ABCB9: variants seen among roughly 807,000 people sequenced by gnomAD.
ABCB9 encodes the protein ATP binding cassette subfamily B member 9, also known as ABC-type oligopeptide transporter ABCB9.
In ABCB9, 36 loss-of-function variants were observed where a neutral mutation model predicts 62.0. The ratio of observed to expected loss-of-function variants is 0.58; its 90% CI spans 0.45 to 0.77. The LOEUF is 0.77. Ranked by LOEUF, ABCB9 falls within the 30% of genes least tolerant of loss-of-function variation. The pLI, the probability that ABCB9 is intolerant of heterozygous loss-of-function variation, is 0.00. For missense variants in ABCB9, 943 were observed against 1,054.7 expected, an observed-to-expected ratio of 0.89 and a Z score of 1.47; for synonymous variants, 435 against 461.4, an observed-to-expected ratio of 0.94 and a Z score of 0.73.
chr12:122,923,435 C>T (rs1318932994), intron 11 of ABCB9, among the ~76,000 whole-genome samples: 11 of 152,252 alleles, frequency 7.2e-5, no homozygotes, highest in Non-Finnish European at 1.3e-4. Context: ...TACAGGCACC[C>T]GCCACCACGC....
At chr12:122,945,075 T>C (rs1459372044) in intron 6 of ABCB9, among the ~76,000 whole-genome samples, 1 of 152,176 alleles carries the variant, frequency 6.6e-6, no homozygotes, top group Non-Finnish European at 1.5e-5. Flanking sequence ...ACTAGGCTGC[T>C]GTCTGGACCA....
Position 122,940,421 on chromosome 12 carries a change from T to C in ABCB9, c.1570-137A>G. The C allele has an allele frequency of 2.0e-6, 2 of 1,010,462 alleles. No individual in the cohort carries two copies. The highest frequency in any genetic ancestry group is 6.0e-5 in the Admixed American group (2 of 33,246). 62.6% of individuals were successfully genotyped at this position (1,010,462 alleles called of 1,614,324 possible). A position where few individuals can be genotyped will look rare whatever the true frequency, so the allele number is the denominator to read the frequency against. On this transcript the variant is annotated intron_variant, in intron 8 of 11. Transcript: ENST00000280560. This position sits in a 1 kb window ranked among gnomAD's most constrained non-coding sequence, Gnocchi z 4.8. ...CCCTCGCTTGGGCACTGCTGGCCCC[T>C]AAACGTTCTTTCTAAGACACTAGGA...
intron 1 of ABCB9, among the ~76,000 whole-genome samples, chr12:122,973,587 A>G (rs1362299972): frequency 1.4e-5 from 2 of 139,974 alleles, no homozygotes; most frequent in African/African-American, 2.7e-5. Context: ...AGAAAAAAAA[A>G]AAAAAAAAAA....
chr12:122,924,143 C>G (rs1298541040), downstream of ABCB9, among the ~76,000 whole-genome samples: 1 of 152,160 alleles, frequency 6.6e-6, no homozygotes, highest in Admixed American at 6.6e-5. Flanking sequence ...GTCTTTAGCC[C>G]TGGCAAGTTG....
At position 122,929,619 on chromosome 12, in the gene ABCB9, CA is replaced by C; in HGVS notation, c.*291del. The C allele has an allele frequency of 8.3e-7, 1 of 1,203,338 alleles. No homozygotes were observed. Among genetic ancestry groups the C allele is most frequent in the Non-Finnish European group, 1.0e-6 (1 of 969,816 alleles). The allele number at this position is 1,203,338 out of a possible 1,614,324, so 74.5% of individuals were successfully genotyped here. ...AGGAGTTGACTGGGGTGCCTCAAAC[CA>C]AACAGTAAAAACCCTGGTAAGACCT... On this transcript the variant is annotated 3_prime_UTR_variant, in exon 12 of 12. Coordinates refer to ENST00000280560, the MANE Select transcript of ABCB9 (RefSeq NM_019625.4). The surrounding 1 kb of genome is among the most constrained non-coding windows in gnomAD (Gnocchi z 6.0).
At chr12:122,969,732 CAAA>C (rs58746093), upstream of ABCB9, among the ~76,000 whole-genome samples, 6 of 90,844 alleles carry the variant, frequency 6.6e-5, no homozygotes, top group Non-Finnish European at 7.2e-5. Flanking sequence ...GACCCTGTCT[CAAA>C]AAAAAAAAAA....
At chr12:122,921,114 C>T in intron 11 of ABCB9, 1 of 1,488,956 alleles carries the variant, frequency 6.7e-7, no homozygotes, top group South Asian at 1.2e-5. Flanking sequence ...GCCTCTGGAT[C>T]ATGCAATTTA....
chr12:122,919,535 C>T (rs1198694864), downstream of ABCB9, among the ~76,000 whole-genome samples: 2 of 152,098 alleles, frequency 1.3e-5, no homozygotes, highest in Admixed American at 1.3e-4. Flanking sequence ...TCTAGATACC[C>T]AAAGCTGGTA....
chr12:122,944,445 G>A lies in ABCB9; in HGVS notation c.1326C>T (p.Ser442=), dbSNP rs775992354. The A allele has an allele frequency of 6.8e-6, 11 of 1,613,862 alleles. No homozygotes were observed. The highest frequency in any genetic ancestry group is 2.2e-5 in the East Asian group (1 of 44,884). ...AGATGATGAAGGCGATGAGGTTGCCGCTGGTCATCTGGCCTGAGATGACAA... is the reference window on the plus strand; with the variant it reads ...AGATGATGAAGGCGATGAGGTTGCCACTGGTCATCTGGCCTGAGATGACAA... ...GHLVISGQMT[S]GNLIAFIIYE... is the part of the protein sequence containing the mutation. The change falls in exon 7 of 12, where the codon AGC becomes AGT. Residue 442 remains serine, a synonymous_variant. Transcript: ENST00000280560. This position sits in a 1 kb window ranked among gnomAD's most constrained non-coding sequence, Gnocchi z 4.9.
Position 122,940,753 on chromosome 12 carries a change from A to G in ABCB9, c.1569+54T>C. The G allele has an allele frequency of 6.7e-7, 1 of 1,499,646 alleles. No homozygotes were observed. The highest frequency in any genetic ancestry group is 9.0e-7 in the Non-Finnish European group (1 of 1,114,998). The allele number at this position is 1,499,646 out of a possible 1,614,324, so 92.9% of individuals were successfully genotyped here. On this transcript the variant is annotated intron_variant, in intron 8 of 11. Transcript: ENST00000280560. The surrounding 1 kb of genome is among the most constrained non-coding windows in gnomAD (Gnocchi z 4.8). Reference sequence around the variant, plus strand: ...CAGCCTGGTGTATAGGAGGTGCACCAGAAATGGGGTGACGGAAAGGCTGAT... The same window carrying G: ...CAGCCTGGTGTATAGGAGGTGCACCGGAAATGGGGTGACGGAAAGGCTGAT...
chr12:122,965,066 A>G (rs1327587688), intron 1 of ABCB9, among the ~76,000 whole-genome samples: 1 of 152,186 alleles, frequency 6.6e-6, no homozygotes, highest in Non-Finnish European at 1.5e-5. Flanking sequence ...ACCGGGCCCT[A>G]CTATGTGCCT....
downstream of ABCB9, among the ~76,000 whole-genome samples, chr12:122,925,711 G>A (rs1297301064): frequency 6.6e-6 from 1 of 152,132 alleles, no homozygotes; most frequent in Non-Finnish European, 1.5e-5. Flanking sequence ...TTGCATCACC[G>A]CACTCCAACC....
At chr12:122,928,087 G>A (rs943729639), downstream of ABCB9, among the ~76,000 whole-genome samples, 3 of 152,124 alleles carry the variant, frequency 2.0e-5, no homozygotes, top group African/African-American at 7.2e-5. Context: ...GGAAAAAAGG[G>A]TCTTTGCAGA....
At chr12:122,957,174 G>A (rs2036645869) in intron 2 of ABCB9, among the ~76,000 whole-genome samples, 2 of 151,886 alleles carry the variant, frequency 1.3e-5, no homozygotes, top group Middle Eastern at 3.2e-3. Context: ...CTGAGTAGCT[G>A]GGACTATAGG....
downstream of ABCB9, chr12:122,928,958 C>A (rs192143618): frequency 2.7e-5 from 26 of 974,272 alleles, no homozygotes; most frequent in East Asian, 1.9e-3. Context: ...CCTAACTGGG[C>A]GATGAGGCAG....
In ABCB9 at chr12:122,932,309, G is replaced by A. The variant is rs2035218352; in HGVS notation, c.1923C>T (p.Ala641=). 1 of 1,551,116 alleles carries A rather than the reference G, an allele frequency of 6.4e-7. No individual in the cohort carries two copies. Among genetic ancestry groups the A allele is most frequent in the Non-Finnish European group, 8.7e-7 (1 of 1,147,006 alleles). The change falls in exon 11 of 12, where the codon GCC becomes GCT. Residue 641 remains alanine (A), a synonymous_variant. Transcript: ENST00000280560. The surrounding 1 kb of genome is among the most constrained non-coding windows in gnomAD (Gnocchi z 4.7). Reference sequence around the variant, plus strand: ...GCTGCTTCTGGCCACCTGACAGCTGGGCGCCCTTCTCCCCTGTCTCTGTAT... The same window carrying A: ...GCTGCTTCTGGCCACCTGACAGCTGAGCGCCCTTCTCCCCTGTCTCTGTAT... ...GYSTETGEKG[A]QLSGGQKQRV... is the part of the protein sequence containing the mutation.
At chr12:122,927,225 G>GC (rs1332737561), downstream of ABCB9, among the ~76,000 whole-genome samples, 2 of 151,856 alleles carry the variant, frequency 1.3e-5, no homozygotes, top group African/African-American at 4.8e-5. Context: ...AGGCTGGAGT[G>GC]CAGTGACGTG....
intron 1 of ABCB9, among the ~76,000 whole-genome samples, chr12:122,965,020 A>G (rs2037099472): frequency 6.6e-6 from 1 of 152,128 alleles, no homozygotes; most frequent in South Asian, 2.1e-4. Flanking sequence ...GAGACAATAG[A>G]TAAAAGTTAT....
At chr12:122,953,621 C>T (rs2036473988) in intron 2 of ABCB9, among the ~76,000 whole-genome samples, 1 of 152,062 alleles carries the variant, frequency 6.6e-6, no homozygotes, top group African/African-American at 2.4e-5. Context: ...CTCCTGACCT[C>T]GTGATCCACC....
Sources: allele counts gnomAD v4.1 joint callset (sites outside exome capture counted in the v4.1 genomes callset), GRCh38; gene constraint gnomAD v4.1.1; non-coding constraint Gnocchi (gnomAD v3.1); transcripts MANE v1.5; gene names NCBI Gene and HGNC (gene_info 2026-07-23, HGNC 2026-07-21).